The following RBFOX1 variants were observed in gnomAD, a reference collection of about 807,000 sequenced individuals.
The protein encoded by RBFOX1 is RNA binding fox-1 homolog 1.
Under a neutral mutation model 57.7 loss-of-function variants are expected in RBFOX1, and 8 were observed. That is an observed-to-expected ratio of 0.14 (90% CI 0.08 to 0.25). The LOEUF is 0.25. RBFOX1 is among the 10% of genes least tolerant of loss of function. RBFOX1 has a pLI of 1.00. For missense variants in RBFOX1, 611 were observed against 548.5 expected, an observed-to-expected ratio of 1.11 and a Z score of -1.14; for synonymous variants, 326 against 222.4, an observed-to-expected ratio of 1.47 and a Z score of -4.15.
chr16:5,766,572 G>A (rs568726281), intron 3 of RBFOX1, among the ~76,000 whole-genome samples: 7 of 152,222 alleles, frequency 4.6e-5, no homozygotes, highest in East Asian at 1.9e-4. Flanking sequence ...GCAACAGTGC[G>A]AGACTCTGTC....
intron 4 of RBFOX1, among the ~76,000 whole-genome samples, chr16:7,471,333 A>G (rs571001827): frequency 6.6e-6 from 1 of 152,250 alleles, no homozygotes; most frequent in East Asian, 1.9e-4. Flanking sequence ...CATAAGGTAA[A>G]TTATTTGAAG....
intron 1 of RBFOX1, among the ~76,000 whole-genome samples, chr16:6,293,902 G>T (rs79103485): frequency 5.5e-5 from 1 of 18,278 alleles, no homozygotes; most frequent in Non-Finnish European, 3.0e-4. Flanking sequence ...GAGCGGGGGG[G>T]TGGTGGAAAT....
chr16:7,063,269 G>C (rs1341855590), intron 4 of RBFOX1, among the ~76,000 whole-genome samples: 2 of 152,036 alleles, frequency 1.3e-5, no homozygotes, highest in Non-Finnish European at 2.9e-5. Context: ...TTGGAACTCT[G>C]TCCTTCCCTG....
chr16:7,006,294 A>G (rs929381401), intron 3 of RBFOX1, among the ~76,000 whole-genome samples: 1 of 152,074 alleles, frequency 6.6e-6, no homozygotes, highest in Non-Finnish European at 1.5e-5. Context: ...AGCTGGGATT[A>G]CAGGTACACA....
At chr16:6,718,094 C>A (rs2065194849) in intron 3 of RBFOX1, among the ~76,000 whole-genome samples, 1 of 152,332 alleles carries the variant, frequency 6.6e-6, no homozygotes, top group East Asian at 1.9e-4. Flanking sequence ...GTGGCTACTT[C>A]TTACCCATCT....
intron 4 of RBFOX1, among the ~76,000 whole-genome samples, chr16:7,082,128 C>CAAA (rs2059293939): frequency 1.3e-5 from 2 of 152,120 alleles, no homozygotes; most frequent in Non-Finnish European, 2.9e-5. Context: ...CCTTGGTATC[C>CAAA]TAATTCCCTG....
chr16:6,480,797 A>C (rs2095360230), intron 2 of RBFOX1, among the ~76,000 whole-genome samples: 1 of 152,170 alleles, frequency 6.6e-6, no homozygotes, highest in Admixed American at 6.5e-5. Context: ...TGTACCTTAT[A>C]GTGTGTATTT....
At chr16:5,734,622 T>G (rs1477194384) in intron 3 of RBFOX1, among the ~76,000 whole-genome samples, 1 of 152,124 alleles carries the variant, frequency 6.6e-6, no homozygotes, top group African/African-American at 2.4e-5. Context: ...ATCTCAAAGC[T>G]AGGTTCACGA....
intron 2 of RBFOX1, among the ~76,000 whole-genome samples, chr16:5,513,166 C>A (rs1380046260): frequency 1.3e-5 from 2 of 152,192 alleles, no homozygotes. Flanking sequence ...CTGGACTCAG[C>A]TTCCCAAAGT....
At chr16:6,809,796 C>T (rs1240943362) in intron 3 of RBFOX1, among the ~76,000 whole-genome samples, 1 of 152,000 alleles carries the variant, frequency 6.6e-6, no homozygotes, top group Non-Finnish European at 1.5e-5. Context: ...AACACTTCAG[C>T]TGCCAAAAAT....
chr16:6,760,934 A>G (rs1195818735), intron 3 of RBFOX1, among the ~76,000 whole-genome samples: 1 of 152,202 alleles, frequency 6.6e-6, no homozygotes, highest in Non-Finnish European at 1.5e-5. Flanking sequence ...AATGCCACCC[A>G]TCAGGATCGG....
chr16:5,270,122 C>A (rs530679922), intron 1 of RBFOX1: 3 of 264,918 alleles, frequency 1.1e-5, no homozygotes, highest in Non-Finnish European at 7.3e-6. Context: ...TGGTGAAACC[C>A]TGTCTCTACC....
chr16:6,738,074 A>G (rs1027920475), intron 3 of RBFOX1, among the ~76,000 whole-genome samples: 1 of 131,198 alleles, frequency 7.6e-6, no homozygotes, highest in Admixed American at 8.3e-5. Context: ...TTTTGCGGTA[A>G]TTCTTAAAAA....
rs1041954983 is a variant in RBFOX1 at position 7,710,918 on chromosome 16, G to A, written c.*173G>A. 6.5e-6 allele frequency: 5 copies of A among 772,362 alleles called. No individual in the cohort carries two copies. The highest frequency in any genetic ancestry group is 9.0e-6 in the Non-Finnish European group (5 of 553,790). The allele number at this position is 772,362 out of a possible 1,614,324, so 47.8% of individuals were successfully genotyped here. The stretch of plus-strand genomic sequence containing the variant: ...TCTTATACCTCAGATATTTTGTTCT[G>A]TGTATTTTAATATTGTGGGTCTTTA... On this transcript the variant is annotated 3_prime_UTR_variant, in exon 16 of 16. Transcript: ENST00000550418.
chr16:5,657,428 T>C (rs1301305036), intron 3 of RBFOX1, among the ~76,000 whole-genome samples: 11 of 152,178 alleles, frequency 7.2e-5, no homozygotes, highest in Admixed American at 7.2e-4. Flanking sequence ...GTGAATAAAG[T>C]ACTCACAATC....
rs971876409 is a variant in RBFOX1, at chr16:6,570,910, G to C, written c.-63-83693G>C. 9.2e-5 allele frequency among the ~76,000 whole-genome samples: 14 copies of C among 152,280 alleles called. No homozygotes were observed. The East Asian group carries it at 2.7e-3, about 29-fold the overall frequency. On this transcript the variant is annotated intron_variant, in intron 2 of 15. Coordinates refer to ENST00000550418, the MANE Select transcript of RBFOX1 (RefSeq NM_018723.4). ...AGGAAGAGAAATTTGAAATCTTGCA[G>C]GGCCTTTGATTGAATAACGGTTATA...
chr16:6,903,758 C>T (rs997942500), intron 3 of RBFOX1, among the ~76,000 whole-genome samples: 1 of 152,068 alleles, frequency 6.6e-6, no homozygotes, highest in African/African-American at 2.4e-5. Flanking sequence ...AGGTGAGAGG[C>T]AGAGGGCTGA....
rs1174502423 is a variant in RBFOX1 at position 7,232,358 on chromosome 16, T to G, written c.27+180260T>G. ...TAACTTGCTTGAGCTATGTGTTCATTTTATAAAATGGGCAAAAGATGCCTA... is the reference window on the plus strand; with the variant it reads ...TAACTTGCTTGAGCTATGTGTTCATGTTATAAAATGGGCAAAAGATGCCTA... On this transcript the variant is annotated intron_variant, in intron 4 of 15. Transcript: ENST00000550418. Among the ~76,000 whole-genome samples, 7 of 152,218 alleles carry G rather than the reference T, an allele frequency of 4.6e-5. No individual in the cohort carries two copies. The South Asian group carries it at 1.0e-3, about 23-fold the overall frequency.
intron 1 of RBFOX1, among the ~76,000 whole-genome samples, chr16:6,077,061 C>A (rs1166635230): frequency 6.6e-6 from 1 of 152,206 alleles, no homozygotes; most frequent in Non-Finnish European, 1.5e-5. Context: ...TTATTTACAG[C>A]TTCGTAAGCC....
Sources: gnomAD v4.1 joint callset for allele counts (sites outside exome capture counted in the v4.1 genomes callset) on GRCh38, gnomAD v4.1.1 for gene constraint, MANE v1.5 for transcripts, NCBI Gene and HGNC (gene_info 2026-07-23, HGNC 2026-07-21) for gene names.